The following ANKRD30A variants were observed in gnomAD, a reference collection of about 807,000 sequenced individuals.
ANKRD30A encodes ankyrin repeat domain 30A.
A neutral mutation model predicts 166.3 loss-of-function variants in ANKRD30A; 170 were observed. That is an observed-to-expected ratio of 1.02 (90% CI 0.90 to 1.16). The LOEUF (loss-of-function observed/expected upper bound fraction) is 1.16, where lower values mean the gene tolerates loss of function less well. Ranked by LOEUF, ANKRD30A falls within the 50% of genes most tolerant of loss-of-function variation. The pLI is 0.00. For missense variants in ANKRD30A, 1,630 were observed against 1,518.0 expected (o/e 1.07, Z -1.23); for synonymous variants, 564 against 508.9 (o/e 1.11, Z -1.46).
At chr10:37,204,668 A>C (rs986281917) in intron 31 of ANKRD30A, among the ~76,000 whole-genome samples, 18 of 152,192 alleles carry the variant, frequency 1.2e-4, no homozygotes, top group Admixed American at 3.3e-4. Context: ...AGAAACTACC[A>C]TGAGAATGAA....
rs1358948784 is a variant in ANKRD30A at position 37,158,333 on chromosome 10, G to C, written c.1799-59G>C. ...ATCTTCATGTTCACACTGTGTGAATGTTCGGTAGGCTTTGTCAGGCTTGCA... is the reference window on the plus strand; with the variant it reads ...ATCTTCATGTTCACACTGTGTGAATCTTCGGTAGGCTTTGTCAGGCTTGCA... On this transcript the variant is annotated intron_variant, in intron 13 of 35. Coordinates refer to ENST00000361713, the MANE Select transcript of ANKRD30A (RefSeq NM_052997.3). The C allele has an allele frequency of 4.5e-6, 7 of 1,563,260 alleles. No homozygotes were observed. The Admixed American group carries it at 1.0e-4, about 23-fold the overall frequency.
chr10:37,193,100 C>T lies in ANKRD30A; in HGVS notation c.2541+8C>T. The T allele has an allele frequency of 6.2e-7, 1 of 1,604,614 alleles. No homozygotes were observed. Among genetic ancestry groups the T allele is most frequent in the Non-Finnish European group, 8.5e-7 (1 of 1,172,408 alleles). The stretch of plus-strand genomic sequence containing the variant: ...AATGATGGTTTTCTGAAGGTAATAA[C>T]TTTTATATTTTTATCTTGAGTATTA... On this transcript the variant is annotated splice_region_variant and intron_variant, in intron 26 of 35. Coordinates refer to ENST00000361713, the MANE Select transcript of ANKRD30A (RefSeq NM_052997.3).
chr10:37,241,159 T>G, the ANKRD30A span: 2 of 151,922 alleles, frequency 1.3e-5, no homozygotes, highest in Non-Finnish European at 2.9e-5. Context: ...ACATAAATAT[T>G]TTTCTTTCCA....
At chr10:37,190,469 T>A (rs1328775183) in intron 25 of ANKRD30A, among the ~76,000 whole-genome samples, 1 of 151,714 alleles carries the variant, frequency 6.6e-6, no homozygotes, top group Non-Finnish European at 1.5e-5. Context: ...ATAGAAATTA[T>A]AGATGGAAGA....
intron 13 of ANKRD30A, among the ~76,000 whole-genome samples, chr10:37,155,674 A>T (rs34964983): frequency 4.6e-5 from 7 of 152,312 alleles, no homozygotes; most frequent in South Asian, 2.1e-4. Flanking sequence ...CAGCATATAC[A>T]TATTGGTATT....
chr10:37,131,744 G>T (rs1390555899), intron 3 of ANKRD30A, among the ~76,000 whole-genome samples: 2 of 152,164 alleles, frequency 1.3e-5, no homozygotes, highest in Non-Finnish European at 2.9e-5. Context: ...CAAAGTTCAA[G>T]TCATTTATTG....
rs548419055 is a variant in ANKRD30A at position 37,145,768 on chromosome 10, G to A, written c.1455+712G>A. Among the ~76,000 whole-genome samples the A allele has an allele frequency of 9.2e-5, 14 of 152,280 alleles. No individual in the cohort carries two copies. In the East Asian group the frequency reaches 2.7e-3, roughly 29 times the overall value. On this transcript the variant is annotated intron_variant, in intron 8 of 35. Transcript: ENST00000361713. ...TTGGATTCATAGAAAAACAGTTTAA[G>A]CTGCAGTTTTGTACAACTTGAAACA...
chr10:37,194,726 A>T (rs1457199839), intron 27 of ANKRD30A, among the ~76,000 whole-genome samples: 2 of 152,230 alleles, frequency 1.3e-5, no homozygotes, highest in South Asian at 4.1e-4. Context: ...AATATTTTAG[A>T]TGGACCCAAT....
intron 27 of ANKRD30A, among the ~76,000 whole-genome samples, chr10:37,194,843 C>T (rs1229364876): frequency 6.6e-6 from 1 of 152,108 alleles, no homozygotes; most frequent in African/African-American, 2.4e-5. Flanking sequence ...AATTAAATGG[C>T]AGCTGATATC....
intron 27 of ANKRD30A, among the ~76,000 whole-genome samples, chr10:37,196,091 C>CTT (rs1554823840): frequency 2.0e-4 from 23 of 115,632 alleles, no homozygotes; most frequent in African/African-American, 6.1e-4. Context: ...TTTATATTTT[C>CTT]TATTTTTTTT....
intron 18 of ANKRD30A, among the ~76,000 whole-genome samples, chr10:37,165,598 A>T (rs1839260930): frequency 6.6e-6 from 1 of 151,976 alleles, no homozygotes; most frequent in Non-Finnish European, 1.5e-5. Flanking sequence ...CTGGGACTTG[A>T]ACATATTGAC....
At chr10:37,235,777 T>C (rs1237534243), downstream of ANKRD30A, among the ~76,000 whole-genome samples, 1 of 147,066 alleles carries the variant, frequency 6.8e-6, no homozygotes, top group East Asian at 2.0e-4. Context: ...TTTTTTTTTT[T>C]TTTTTTTTTT....
chr10:37,221,044 A>ATTT (rs35150938), intron 34 of ANKRD30A, among the ~76,000 whole-genome samples: 61 of 131,006 alleles, frequency 4.7e-4, no homozygotes, highest in Middle Eastern at 4.0e-3. Context: ...TCCTTCCCAC[A>ATTT]TTTTTTTTTT....
chr10:37,228,588 C>T (rs1843267515), intron 34 of ANKRD30A, among the ~76,000 whole-genome samples: 3 of 151,978 alleles, frequency 2.0e-5, no homozygotes, highest in Non-Finnish European at 2.9e-5. Context: ...TGTTGCGCTT[C>T]ACAACTTGCC....
At chr10:37,253,648 T>C in the ANKRD30A span, among the ~76,000 whole-genome samples, 5 of 144,612 alleles carry the variant, frequency 3.5e-5, no homozygotes, top group African/African-American at 1.0e-4. Context: ...GTTTTCTTTT[T>C]CTTTTTTTTT....
intron 13 of ANKRD30A, among the ~76,000 whole-genome samples, chr10:37,156,840 A>C (rs569104821): frequency 1.3e-5 from 2 of 152,194 alleles, no homozygotes; most frequent in Admixed American, 1.3e-4. Flanking sequence ...GCAGGTTTTT[A>C]TTTAAAGCGT....
chr10:37,141,358 G>A (rs1048211242), intron 6 of ANKRD30A, among the ~76,000 whole-genome samples: 1 of 152,064 alleles, frequency 6.6e-6, no homozygotes, highest in African/African-American at 2.4e-5. Context: ...TATTGCTTGA[G>A]CTCAGGAGTT....
At chr10:37,179,054 A>ATG (rs1564529251) in intron 24 of ANKRD30A, among the ~76,000 whole-genome samples, 42 of 135,272 alleles carry the variant, frequency 3.1e-4, no homozygotes, top group African/African-American at 1.2e-3. Flanking sequence ...ATATATATAT[A>ATG]TATATATATA....
intron 12 of ANKRD30A, among the ~76,000 whole-genome samples, 168 bp from the exon 13 acceptor site, chr10:37,153,404 G>T (rs185169841): frequency 6.6e-6 from 1 of 152,042 alleles, no homozygotes; most frequent in Non-Finnish European, 1.5e-5. Context: ...GGTTGTGTGA[G>T]GTTTTCTATC....
Sources: gnomAD v4.1 joint callset for allele counts (sites outside exome capture counted in the v4.1 genomes callset) on GRCh38, gnomAD v4.1.1 for gene constraint, MANE v1.5 for transcripts, NCBI Gene and HGNC (gene_info 2026-07-23, HGNC 2026-07-21) for gene names.